Variants in CACNA2D3 observed in about 807,000 individuals in gnomAD.
CACNA2D3 encodes the protein calcium voltage-gated channel auxiliary subunit alpha2delta 3.
A neutral mutation model predicts 160.6 loss-of-function variants in CACNA2D3; 60 were observed. The observed-to-expected ratio is 0.37, with a 90% CI of 0.30 to 0.46. The LOEUF (loss-of-function observed/expected upper bound fraction) is 0.46. Ranked by LOEUF, CACNA2D3 falls within the 20% of genes least tolerant of loss-of-function variation. The pLI is 1.00. For missense variants in CACNA2D3, 1,205 were observed against 1,365.0 expected (o/e 0.88, Z 1.85); for synonymous variants, 558 against 492.9 (o/e 1.13, Z -1.75).
At chr3:54,149,126 G>A (rs1308335309) in intron 2 of CACNA2D3, among the ~76,000 whole-genome samples, 1 of 152,096 alleles carries the variant, frequency 6.6e-6, no homozygotes, top group African/African-American at 2.4e-5. Flanking sequence ...CTGGGGAGAT[G>A]TTCTGGAGGT....
intron 14 of CACNA2D3, among the ~76,000 whole-genome samples, chr3:54,821,717 C>CTTCCTTCT (rs1491240169): frequency 1.2e-5 from 1 of 86,356 alleles, no homozygotes; most frequent in African/African-American, 4.4e-5. Context: ...TCCTTCTTTC[C>CTTCCTTCT]TCTCTCTCTC....
At chr3:54,425,997 C>T (rs143136449) in intron 4 of CACNA2D3, among the ~76,000 whole-genome samples, 301 of 152,262 alleles carry the variant, frequency 2.0e-3, no homozygotes, top group Middle Eastern at 6.8e-3. Context: ...CTGCATGGCA[C>T]GTTGGAAATT....
chr3:54,922,515 G>C (rs1212390216), intron 27 of CACNA2D3, among the ~76,000 whole-genome samples: 1 of 152,100 alleles, frequency 6.6e-6, no homozygotes, highest in Non-Finnish European at 1.5e-5. Flanking sequence ...TGGTTGGCTT[G>C]AATGTCGACT....
At position 54,816,916 on chromosome 3, in the gene CACNA2D3, G is replaced by C. The variant is rs376669085; in HGVS notation, c.1398+46G>C. The C allele has an allele frequency of 7.1e-5, 114 of 1,601,862 alleles. No homozygotes were observed. The East Asian group carries it at 8.3e-4, about 12-fold the overall frequency. ...TTCCAGTCACCCCCAGAACTCACGA[G>C]TCATGCATGCCTCCATGGTGTTGTA... On this transcript the variant is annotated intron_variant, in intron 14 of 37. Transcript: ENST00000474759.
intron 29 of CACNA2D3, among the ~76,000 whole-genome samples, chr3:54,977,568 A>G (rs1372336130): frequency 6.6e-6 from 1 of 152,242 alleles, no homozygotes; most frequent in East Asian, 1.9e-4. Context: ...AGTTTTAACT[A>G]GGAGTAGAGG....
chr3:54,897,521 T>A (rs1167733457), intron 26 of CACNA2D3, among the ~76,000 whole-genome samples: 1 of 152,124 alleles, frequency 6.6e-6, no homozygotes, highest in Non-Finnish European at 1.5e-5. Flanking sequence ...TTCTCTTGCC[T>A]CATGCATCTG....
At chr3:54,606,997 CAT>C (rs1410761658) in intron 9 of CACNA2D3, among the ~76,000 whole-genome samples, 1 of 152,166 alleles carries the variant, frequency 6.6e-6, no homozygotes, top group Non-Finnish European at 1.5e-5. Context: ...TTTTGAGAAA[CAT>C]ATTTTTTAAT....
intron 5 of CACNA2D3, among the ~76,000 whole-genome samples, chr3:54,551,780 C>T (rs1333463150): frequency 6.6e-6 from 1 of 152,222 alleles, no homozygotes; most frequent in African/African-American, 2.4e-5. Context: ...TTTTGCAACA[C>T]TGGCATTGTT....
rs563878589 is a variant in CACNA2D3, at chr3:54,470,191, G to C, written c.382-33301G>C. ...AAGGGCAGCCAGAGAGAAAGGTTGG[G>C]TTACCCACAAAAGGAAGCCCATCAG... On this transcript the variant is annotated intron_variant, in intron 4 of 37. Transcript: ENST00000474759. Among the ~76,000 whole-genome samples the C allele has an allele frequency of 2.0e-5, 3 of 152,174 alleles. No individual in the cohort carries two copies. The East Asian group carries it at 5.8e-4, about 29-fold the overall frequency.
At chr3:54,941,741 C>T (rs1460823193) in intron 27 of CACNA2D3, among the ~76,000 whole-genome samples, 1 of 152,070 alleles carries the variant, frequency 6.6e-6, no homozygotes, top group Admixed American at 6.5e-5. Context: ...CACGAGGGTT[C>T]GCATGGATGT....
At chr3:54,795,960 C>T (rs576614433) in intron 13 of CACNA2D3, among the ~76,000 whole-genome samples, 4 of 152,082 alleles carry the variant, frequency 2.6e-5, no homozygotes, top group Non-Finnish European at 5.9e-5. Context: ...TTGCCAAACC[C>T]CAGACTTGGG....
intron 11 of CACNA2D3, among the ~76,000 whole-genome samples, chr3:54,681,216 AT>A: frequency 6.6e-6 from 1 of 151,890 alleles, no homozygotes; most frequent in East Asian, 1.9e-4. Flanking sequence ...CCATGTCATC[AT>A]GGTATACTGT....
At position 54,131,577 on chromosome 3, in the gene CACNA2D3, C is replaced by T. The variant is rs368238860; in HGVS notation, c.204+7983C>T. 8.5e-5 allele frequency among the ~76,000 whole-genome samples: 13 copies of T among 152,218 alleles called. No homozygotes were observed. In the East Asian group the frequency reaches 2.1e-3, roughly 25 times the overall value. On this transcript the variant is annotated intron_variant, in intron 2 of 37. Coordinates refer to ENST00000474759, the MANE Select transcript of CACNA2D3 (RefSeq NM_018398.3). ...ATGTGGCACCTGGGAAGCCTTGGTT[C>T]TCAGGCCATCCTCTCACTTATACTG... is the stretch of plus-strand genomic sequence containing the variant.
intron 13 of CACNA2D3, among the ~76,000 whole-genome samples, chr3:54,766,623 A>C (rs1382272739): frequency 1.3e-5 from 2 of 152,212 alleles, no homozygotes; most frequent in African/African-American, 4.8e-5. Flanking sequence ...CTTTAACATC[A>C]CAAAAATATA....
chr3:54,366,609 A>G (rs1034450704), intron 3 of CACNA2D3, among the ~76,000 whole-genome samples: 1 of 152,216 alleles, frequency 6.6e-6, no homozygotes, highest in African/African-American at 2.4e-5. Flanking sequence ...GAAATGATGT[A>G]GGCACTGTGC....
At chr3:54,173,475 G>A (rs1442363591) in intron 2 of CACNA2D3, among the ~76,000 whole-genome samples, 2 of 152,184 alleles carry the variant, frequency 1.3e-5, no homozygotes, top group Admixed American at 1.3e-4. Context: ...GTTACCACAA[G>A]GCTGCTTTTT....
intron 11 of CACNA2D3, among the ~76,000 whole-genome samples, chr3:54,741,625 C>T (rs546037565): frequency 4.0e-4 from 60 of 151,578 alleles, no homozygotes; most frequent in Non-Finnish European, 4.4e-5. Flanking sequence ...ACTGTTATTT[C>T]ACCAGGCTCT....
chr3:54,687,407 C>T (rs559570627), intron 11 of CACNA2D3, among the ~76,000 whole-genome samples: 1 of 151,254 alleles, frequency 6.6e-6, no homozygotes, highest in African/African-American at 2.4e-5. Context: ...GCCTTGGCCT[C>T]CCAATGTGCC....
At chr3:54,466,313 AC>A (rs1348037091) in intron 4 of CACNA2D3, among the ~76,000 whole-genome samples, 3 of 152,224 alleles carry the variant, frequency 2.0e-5, no homozygotes, top group African/African-American at 7.2e-5. Flanking sequence ...GGAAAAAAGT[AC>A]TAAAAGAAGT....
Sources: allele counts gnomAD v4.1 joint callset (sites outside exome capture counted in the v4.1 genomes callset), GRCh38; gene constraint gnomAD v4.1.1; transcripts MANE v1.5; gene names NCBI Gene and HGNC (gene_info 2026-07-23, HGNC 2026-07-21).